Variants in SEMA5A observed in about 807,000 individuals in gnomAD.
SEMA5A encodes semaphorin-5A.
A neutral mutation model predicts 135.5 loss-of-function variants in SEMA5A; 55 were observed. The ratio of observed to expected loss-of-function variants is 0.41; its 90% CI spans 0.33 to 0.51. The LOEUF is 0.51. Among genes scored for constraint, SEMA5A ranks in the 20% least tolerant of loss-of-function variants. SEMA5A has a pLI of 0.37. For missense variants in SEMA5A, 1,290 were observed against 1,419.9 expected (o/e 0.91, Z 1.47); for synonymous variants, 580 against 546.5 (o/e 1.06, Z -0.85).
intron 5 of SEMA5A, among the ~76,000 whole-genome samples, chr5:9,275,483 G>A (rs1274240917): frequency 6.6e-6 from 1 of 152,126 alleles, no homozygotes; most frequent in Admixed American, 6.5e-5. Context: ...CTCATTTCAT[G>A]AGGCCAGCAT....
chr5:9,151,534 A>G (rs1269875968), intron 12 of SEMA5A, among the ~76,000 whole-genome samples: 2 of 152,144 alleles, frequency 1.3e-5, no homozygotes, highest in Admixed American at 1.3e-4. Flanking sequence ...TTTTCCTTAT[A>G]ATTTATAAAA....
At position 9,226,891 on chromosome 5, in the gene SEMA5A, G is replaced by A. The variant is rs376245670; in HGVS notation, c.410C>T (p.Thr137Met). 69 of 1,598,860 alleles carry A rather than the reference G, an allele frequency of 4.3e-5. No homozygotes were observed. Among genetic ancestry groups the A allele is most frequent in the South Asian group, 7.8e-5 (7 of 89,430 alleles). Residue 137 changes from threonine to methionine, a missense_variant, in exon 7 of 23, where the codon ACG becomes ATG. Physicochemically the swap from Thr to Met is moderately conservative, Grantham distance 81. Transcript: ENST00000382496. Reference protein sequence around the residue: ...RLFTCGTNAFTPVCTNRSLSN... With the variant: ...RLFTCGTNAFMPVCTNRSLSN... ...TACCGAGCGGTTGGTGCAGACAGGC[G>A]TGAATGCATTGGTCCCACAGGTGAA...
At chr5:9,312,598 A>C (rs960661881) in intron 5 of SEMA5A, among the ~76,000 whole-genome samples, 1 of 152,204 alleles carries the variant, frequency 6.6e-6, no homozygotes, top group Non-Finnish European at 1.5e-5. Context: ...GTGAATATTC[A>C]TATGGTCATG....
chr5:9,520,362 AGAGGAATGGCG>A (rs1736756162), intron 1 of SEMA5A, among the ~76,000 whole-genome samples: 1 of 152,198 alleles, frequency 6.6e-6, no homozygotes, highest in African/African-American at 2.4e-5. Context: ...AGAAGAGAAC[AGAGGAATGGCG>A]TGCTGGGAAT....
At chr5:9,316,903 T>C (rs1328032473) in intron 5 of SEMA5A, among the ~76,000 whole-genome samples, 4 of 152,172 alleles carry the variant, frequency 2.6e-5, no homozygotes, top group African/African-American at 9.7e-5. Flanking sequence ...CTTTAACTTA[T>C]TCCTTTGTCT....
At chr5:9,306,332 A>G (rs935195386) in intron 5 of SEMA5A, among the ~76,000 whole-genome samples, 2 of 152,012 alleles carry the variant, frequency 1.3e-5, no homozygotes, top group Non-Finnish European at 2.9e-5. Flanking sequence ...ACCCTTTCCA[A>G]TTCCTCTCTG....
intron 2 of SEMA5A, among the ~76,000 whole-genome samples, chr5:9,404,439 A>G (rs2126580040): frequency 6.6e-6 from 1 of 152,284 alleles, no homozygotes; most frequent in South Asian, 2.1e-4. Context: ...TCCACTATAT[A>G]TATGTTAAAG....
intron 5 of SEMA5A, among the ~76,000 whole-genome samples, chr5:9,290,076 T>C (rs1285922917): frequency 6.6e-6 from 1 of 152,198 alleles, no homozygotes; most frequent in Admixed American, 6.5e-5. Context: ...TCAATAGGTT[T>C]TTTGGAAACA....
chr5:9,467,365 G>T lies in SEMA5A; in HGVS notation c.-174-29513C>A, dbSNP rs1234379829. Among the ~76,000 whole-genome samples, 5 of 152,102 alleles carry T rather than the reference G, an allele frequency of 3.3e-5. No individual in the cohort carries two copies. In the East Asian group the frequency reaches 9.6e-4, roughly 29 times the overall value. ...TTGACCTCATGATCCACCCGCCTCAGCCTCCCAAAGTGCTGGGATTACAAA... is the reference window on the plus strand; with the variant it reads ...TTGACCTCATGATCCACCCGCCTCATCCTCCCAAAGTGCTGGGATTACAAA... On this transcript the variant is annotated intron_variant, in intron 1 of 22. Coordinates refer to ENST00000382496, the MANE Select transcript of SEMA5A (RefSeq NM_003966.3).
At chr5:9,306,313 CTT>C (rs146553589) in intron 5 of SEMA5A, among the ~76,000 whole-genome samples, 1 of 152,112 alleles carries the variant, frequency 6.6e-6, no homozygotes, top group South Asian at 2.1e-4. Flanking sequence ...GTCTAATACT[CTT>C]TTATCTACCC....
At chr5:9,252,362 G>A (rs1331372928) in intron 5 of SEMA5A, among the ~76,000 whole-genome samples, 1 of 152,090 alleles carries the variant, frequency 6.6e-6, no homozygotes, top group Non-Finnish European at 1.5e-5. Flanking sequence ...AAACACAAAA[G>A]TAAACTTAAT....
At chr5:9,056,662 C>T (rs545343160) in intron 18 of SEMA5A, among the ~76,000 whole-genome samples, 5 of 152,280 alleles carry the variant, frequency 3.3e-5, no homozygotes, top group Admixed American at 2.6e-4. Flanking sequence ...GCGGAGGTTG[C>T]GGTGAGCTGA....
At chr5:9,073,854 A>G (rs1199969397) in intron 16 of SEMA5A, among the ~76,000 whole-genome samples, 1 of 152,160 alleles carries the variant, frequency 6.6e-6, no homozygotes, top group Admixed American at 6.5e-5. Context: ...AAAGAACACT[A>G]CTTATAGTAG....
At chr5:9,303,416 G>C (rs1751711476) in intron 5 of SEMA5A, among the ~76,000 whole-genome samples, 2 of 152,052 alleles carry the variant, frequency 1.3e-5, no homozygotes, top group Admixed American at 1.3e-4. Flanking sequence ...AAGAACTTGA[G>C]GATAGATTCA....
At chr5:9,181,903 T>C (rs1464700666) in intron 11 of SEMA5A, among the ~76,000 whole-genome samples, 2 of 151,636 alleles carry the variant, frequency 1.3e-5, no homozygotes. Context: ...GAGTCCCTCA[T>C]CTATTAAGAA....
At chr5:9,161,642 G>C (rs1455853408) in intron 11 of SEMA5A, among the ~76,000 whole-genome samples, 1 of 152,252 alleles carries the variant, frequency 6.6e-6, no homozygotes. Flanking sequence ...CTAATGTACG[G>C]GACTGCCTGA....
At chr5:9,296,877 G>A (rs1292187831) in intron 5 of SEMA5A, among the ~76,000 whole-genome samples, 2 of 141,708 alleles carry the variant, frequency 1.4e-5, no homozygotes, top group African/African-American at 5.4e-5. Context: ...CTACAGGTGA[G>A]ACATTATGCT....
At chr5:9,542,304 A>C (rs962862049) in intron 1 of SEMA5A, among the ~76,000 whole-genome samples, 2 of 152,228 alleles carry the variant, frequency 1.3e-5, no homozygotes, top group African/African-American at 4.8e-5. Flanking sequence ...AGAGTGATAA[A>C]AACCTAATTT....
At chr5:9,526,916 T>C (rs893736415) in intron 1 of SEMA5A, among the ~76,000 whole-genome samples, 3 of 152,226 alleles carry the variant, frequency 2.0e-5, no homozygotes, top group Non-Finnish European at 4.4e-5. Context: ...TCTCAAGCTG[T>C]TCCCCTTTGC....
Sources: allele counts gnomAD v4.1 joint callset (sites outside exome capture counted in the v4.1 genomes callset), GRCh38; gene constraint gnomAD v4.1.1; transcripts MANE v1.5; gene names NCBI Gene and HGNC (gene_info 2026-07-23, HGNC 2026-07-21).